CLIC5: variants seen among roughly 807,000 people sequenced by gnomAD.
CLIC5 encodes the protein chloride intracellular channel protein 5.
A neutral mutation model predicts 24.7 loss-of-function variants in CLIC5; 20 were observed. That is an observed-to-expected ratio of 0.81 (90% CI 0.57 to 1.18). The LOEUF (loss-of-function observed/expected upper bound fraction) is 1.18, where lower values mean the gene tolerates loss of function less well. CLIC5 is among the 50% of genes most tolerant of loss of function. The pLI is 0.00. For missense variants in CLIC5, 341 were observed against 326.1 expected, an observed-to-expected ratio of 1.05 and a Z score of -0.35; for synonymous variants, 159 against 135.6, an observed-to-expected ratio of 1.17 and a Z score of -1.20.
downstream of CLIC5, among the ~76,000 whole-genome samples, chr6:45,893,905 A>G (rs1762372637): frequency 6.6e-6 from 1 of 152,332 alleles, no homozygotes; most frequent in African/African-American, 2.4e-5. Flanking sequence ...TAATTAAAGA[A>G]AGAACCTATG....
the CLIC5 span, among the ~76,000 whole-genome samples, chr6:46,128,488 CCTGA>C: frequency 6.6e-6 from 1 of 152,192 alleles, no homozygotes; most frequent in Non-Finnish European, 1.5e-5. Context: ...TTGGCCTTAC[CCTGA>C]CTATTGTTCA....
intron 1 of CLIC5, among the ~76,000 whole-genome samples, chr6:46,026,836 CA>C (rs896870293): frequency 6.6e-6 from 1 of 151,934 alleles, no homozygotes; most frequent in African/African-American, 2.4e-5. Flanking sequence ...TAGGAAAATA[CA>C]ATTGAAATAA....
At chr6:45,990,882 T>A (rs1765912594) in intron 1 of CLIC5, among the ~76,000 whole-genome samples, 1 of 152,218 alleles carries the variant, frequency 6.6e-6, no homozygotes, top group South Asian at 2.1e-4. Flanking sequence ...TCCTACCAGC[T>A]CTGTGATCTT....
chr6:46,051,137 A>G (rs1768091069), intron 1 of CLIC5, among the ~76,000 whole-genome samples: 3 of 152,142 alleles, frequency 2.0e-5, no homozygotes, highest in African/African-American at 7.2e-5. Context: ...GCCCTTCTCT[A>G]GTGTTTACTG....
intron 1 of CLIC5, among the ~76,000 whole-genome samples, chr6:45,994,900 A>G (rs1766076691): frequency 6.6e-6 from 1 of 152,232 alleles, no homozygotes. Context: ...GGGAACTAAT[A>G]TATTTATAAA....
At chr6:45,941,496 G>A in intron 4 of CLIC5, 51 bp downstream of exon 4, 1 of 1,378,104 alleles carries the variant, frequency 7.3e-7, no homozygotes, top group South Asian at 1.2e-5. Context: ...AGATGCCTTG[G>A]GCAGCAGATA....
chr6:46,023,755 CT>C (rs949662191), intron 1 of CLIC5, among the ~76,000 whole-genome samples: 23 of 152,274 alleles, frequency 1.5e-4, no homozygotes, highest in African/African-American at 5.5e-4. Flanking sequence ...GGATTTACTG[CT>C]CTGGTGATTG....
At chr6:46,064,838 G>A (rs893763134) in intron 1 of CLIC5, among the ~76,000 whole-genome samples, 1 of 151,990 alleles carries the variant, frequency 6.6e-6, no homozygotes, top group South Asian at 2.1e-4. Flanking sequence ...AAAAGTTCTG[G>A]AAGAAAACAA....
At chr6:45,936,196 CTTTTTTTTTTT>C (rs60969238) in intron 4 of CLIC5, among the ~76,000 whole-genome samples, 29 of 80,288 alleles carry the variant, frequency 3.6e-4, no homozygotes, top group Non-Finnish European at 5.0e-4. Context: ...CAACGGCTGA[CTTTTTTTTTTT>C]TTTTTTTTTT....
intron 6 of CLIC5, among the ~76,000 whole-genome samples, chr6:45,886,048 A>G (rs75226992): frequency 0.033 from 5,066 of 152,302 alleles, 284 homozygotes; most frequent in African/African-American, 0.11. Flanking sequence ...TAACTGAAAG[A>G]TGAAACCCCA....
intron 1 of CLIC5, among the ~76,000 whole-genome samples, chr6:46,046,728 G>A (rs898667715): frequency 5.9e-5 from 9 of 152,312 alleles, no homozygotes; most frequent in Middle Eastern, 3.4e-3. Context: ...CTGTGTCAGC[G>A]AAGTCTAACT....
At chr6:45,889,705 A>G (rs953438501) in intron 6 of CLIC5, among the ~76,000 whole-genome samples, 8 of 152,220 alleles carry the variant, frequency 5.3e-5, no homozygotes, top group African/African-American at 1.9e-4. Context: ...GAGTCATGCA[A>G]ATACATTTCC....
intron 1 of CLIC5, among the ~76,000 whole-genome samples, chr6:46,046,692 T>C (rs1767963653): frequency 6.6e-6 from 1 of 152,214 alleles, no homozygotes; most frequent in African/African-American, 2.4e-5. Flanking sequence ...TTTCTATTAA[T>C]AACAGTCATC....
At chr6:46,086,026 G>A in the CLIC5 span, among the ~76,000 whole-genome samples, 2 of 152,330 alleles carry the variant, frequency 1.3e-5, no homozygotes, top group South Asian at 2.1e-4. Context: ...GTGAGACTCC[G>A]TGGGCGTAGG....
chr6:46,127,135 A>T, the CLIC5 span, among the ~76,000 whole-genome samples: 3 of 152,176 alleles, frequency 2.0e-5, no homozygotes, highest in African/African-American at 7.2e-5. Flanking sequence ...TATAGGGCAG[A>T]TGTGATATTT....
At chr6:46,090,857 G>C in the CLIC5 span, among the ~76,000 whole-genome samples, 2 of 152,176 alleles carry the variant, frequency 1.3e-5, no homozygotes, top group Non-Finnish European at 2.9e-5. Context: ...ACCTAATGTG[G>C]TGTGTAAACA....
intron 1 of CLIC5, among the ~76,000 whole-genome samples, chr6:46,037,608 G>A (rs773371211): frequency 7.4e-4 from 113 of 152,152 alleles, no homozygotes; most frequent in Non-Finnish European, 1.4e-3. Flanking sequence ...AAGATAATAT[G>A]GGTAAAATTT....
At chr6:46,046,919 G>C (rs1347741756) in intron 1 of CLIC5, among the ~76,000 whole-genome samples, 1 of 152,196 alleles carries the variant, frequency 6.6e-6, no homozygotes, top group Admixed American at 6.5e-5. Context: ...ATAGGAAGAA[G>C]CTTGGAATAC....
chr6:45,939,050 C>G (rs904934846), intron 4 of CLIC5, among the ~76,000 whole-genome samples: 1 of 152,136 alleles, frequency 6.6e-6, no homozygotes, highest in Non-Finnish European at 1.5e-5. Context: ...ACAACAGAGA[C>G]TTTTCCCCTT....
Sources: allele counts gnomAD v4.1 joint callset (sites outside exome capture counted in the v4.1 genomes callset), GRCh38; gene constraint gnomAD v4.1.1; transcripts MANE v1.5; gene names NCBI Gene and HGNC (gene_info 2026-07-23, HGNC 2026-07-21).